The following GLB1 variants were observed in gnomAD, a reference collection of about 807,000 sequenced individuals.
GLB1 encodes the protein beta-galactosidase.
In GLB1, 56 loss-of-function variants were observed where a neutral mutation model predicts 74.0. The ratio of observed to expected loss-of-function variants is 0.76; its 90% CI spans 0.61 to 0.94. GLB1 has a LOEUF of 0.94. GLB1 is among the 40% of genes least tolerant of loss of function. The pLI is 0.00. For synonymous variants in GLB1, 323 were observed against 323.6 expected (o/e 1.00, Z 0.02); for missense variants, 787 against 845.5 (o/e 0.93, Z 0.86).
chr3:33,097,103 C>T lies in GLB1; in HGVS notation c.-18G>A. 2 of 1,611,590 alleles carry T rather than the reference C, an allele frequency of 1.2e-6. No homozygotes were observed. The highest frequency in any genetic ancestry group is 2.7e-5 in the African/African-American group (2 of 74,854). On this transcript the variant is annotated 5_prime_UTR_variant, in exon 1 of 16. Coordinates refer to ENST00000307363, the MANE Select transcript of GLB1 (RefSeq NM_000404.4). The stretch of plus-strand genomic sequence containing the variant: ...CCCGGCATGACCACCAGCCTCCCGG[C>T]TCTGCAGTCGGCGCCCAGGCCGGCC...
intron 1 of GLB1, among the ~76,000 whole-genome samples, chr3:33,073,420 G>A (rs1699960679): frequency 6.6e-6 from 1 of 152,176 alleles, no homozygotes; most frequent in Admixed American, 6.5e-5. Flanking sequence ...AGGCATGATG[G>A]CTCACACCTG....
intron 12 of GLB1, among the ~76,000 whole-genome samples, chr3:33,020,781 T>C (rs931668775): frequency 2.6e-5 from 4 of 152,216 alleles, no homozygotes; most frequent in African/African-American, 9.6e-5. Context: ...TTCTCATGTG[T>C]GATCATTGTA....
chr3:32,972,829 AAG>A, the GLB1 span, among the ~76,000 whole-genome samples: 7 of 152,172 alleles, frequency 4.6e-5, no homozygotes, highest in Non-Finnish European at 8.8e-5. Context: ...CCCCCTAAGA[AAG>A]AGAAAGAGCT....
chr3:33,074,343 AG>A (rs1700008177), intron 1 of GLB1, among the ~76,000 whole-genome samples: 1 of 58,682 alleles, frequency 1.7e-5, no homozygotes, highest in Non-Finnish European at 3.8e-5. Flanking sequence ...GAAGGAAGGA[AG>A]GAAGGAAGGA....
At chr3:33,064,440 C>CT (rs1438216815) in intron 5 of GLB1, among the ~76,000 whole-genome samples, 4 of 11,288 alleles carry the variant, frequency 3.5e-4, no homozygotes, top group Non-Finnish European at 4.4e-4. Context: ...ACTCTGTCTC[C>CT]TAAAAAAAAA....
intron 4 of GLB1, among the ~76,000 whole-genome samples, chr3:33,066,514 C>T (rs191779280): frequency 6.6e-6 from 1 of 152,228 alleles, no homozygotes; most frequent in Non-Finnish European, 1.5e-5. Flanking sequence ...AACTTCTTGG[C>T]CTCCATAACT....
At chr3:32,967,425 G>A in the GLB1 span, among the ~76,000 whole-genome samples, 17 of 152,292 alleles carry the variant, frequency 1.1e-4, no homozygotes, top group Non-Finnish European at 2.4e-4. Flanking sequence ...AAATTAGTCA[G>A]GCATGGTGGT....
chr3:33,053,707 T>C lies in GLB1; in HGVS notation c.734-158A>G, dbSNP rs182602799. On this transcript the variant is annotated intron_variant, in intron 6 of 15. Transcript: ENST00000307363. ...TGTTGGAACTTAACACCCAAGATGATAGTATTAACAGGTGAGGCCACTGGA... is the reference window on the plus strand; with the variant it reads ...TGTTGGAACTTAACACCCAAGATGACAGTATTAACAGGTGAGGCCACTGGA... Among the ~76,000 whole-genome samples the C allele has an allele frequency of 3.9e-5, 6 of 152,312 alleles. No homozygotes were observed. The East Asian group carries it at 1.2e-3, about 29-fold the overall frequency.
At chr3:32,967,365 G>A in the GLB1 span, among the ~76,000 whole-genome samples, 2 of 152,138 alleles carry the variant, frequency 1.3e-5, no homozygotes, top group Admixed American at 1.3e-4. Flanking sequence ...TCAGGAGTTA[G>A]AGACCAGCCT....
chr3:32,989,521 G>T, the GLB1 span, among the ~76,000 whole-genome samples: 5 of 152,142 alleles, frequency 3.3e-5, no homozygotes, highest in East Asian at 1.9e-4. Context: ...AGGATTGCTT[G>T]CTCCCTGACC....
Position 32,996,892 on chromosome 3 carries a change from G to C in GLB1, c.*153C>G. On this transcript the variant is annotated 3_prime_UTR_variant, in exon 16 of 16. Transcript: ENST00000307363. The stretch of plus-strand genomic sequence containing the variant: ...AGGTGGTCCCTGAAGGTGGGGCTTT[G>C]GCACTGCAGGGATGCAGGGAAACCT... 2 of 1,409,296 alleles carry C rather than the reference G, an allele frequency of 1.4e-6. No individual in the cohort carries two copies. The highest frequency in any genetic ancestry group is 2.5e-4 in the Middle Eastern group (1 of 4,006). 87.3% of individuals were successfully genotyped at this position (1,409,296 alleles called of 1,614,324 possible).
chr3:33,021,095 G>GA lies in GLB1; in HGVS notation c.1233+470dup, dbSNP rs10596366. 1.5e-3 allele frequency among the ~76,000 whole-genome samples: 182 copies of GA among 125,226 alleles called. 2 individuals are homozygous for GA. The highest frequency in any genetic ancestry group is 4.4e-3 in the East Asian group (18 of 4,098). 82.2% of individuals were successfully genotyped at this position (125,226 alleles called of 152,430 possible). A position where few individuals can be genotyped will look rare whatever the true frequency, so the allele number is the denominator to read the frequency against. ...AAACACATACACATATACAAACACTGAAAAAAAAAAAAAAAAAGATGTGCT... is the reference window on the plus strand; with the variant it reads ...AAACACATACACATATACAAACACTGAAAAAAAAAAAAAAAAAAGATGTGCT... On this transcript the variant is annotated intron_variant, in intron 12 of 15. Transcript: ENST00000307363.
At chr3:33,090,423 T>C in intron 1 of GLB1, 2 of 985,312 alleles carry the variant, frequency 2.0e-6, no homozygotes, top group Non-Finnish European at 2.4e-6. Flanking sequence ...GGATGGGTAT[T>C]TGGAAGGAAT....
At chr3:33,034,603 TC>T in intron 10 of GLB1, 1 of 718,590 alleles carries the variant, frequency 1.4e-6, no homozygotes, top group Admixed American at 1.9e-5. Context: ...ATATATGGTC[TC>T]CCAAATTGCT....
the GLB1 span, among the ~76,000 whole-genome samples, chr3:32,986,408 C>G: frequency 2.3e-3 from 346 of 152,300 alleles, no homozygotes; most frequent in Non-Finnish European, 4.2e-3. Flanking sequence ...TTGACTAACA[C>G]AGAAATATTG....
At chr3:33,071,259 T>C in intron 2 of GLB1, among the ~76,000 whole-genome samples, 1 of 151,930 alleles carries the variant, frequency 6.6e-6, no homozygotes, top group East Asian at 1.9e-4. Flanking sequence ...GAACTTGGGT[T>C]CACTCTGCCA....
At chr3:33,028,653 C>T (rs1697874065) in intron 10 of GLB1, among the ~76,000 whole-genome samples, 1 of 151,072 alleles carries the variant, frequency 6.6e-6, no homozygotes, top group Non-Finnish European at 1.5e-5. Context: ...TTGCTTATGT[C>T]ATTTACCCAA....
In GLB1 at chr3:33,016,819, G is replaced by A. The variant is rs72555359; in HGVS notation, c.1369C>T (p.Arg457Ter). ...VDGIPQGVLE[R>*]NNVITLNITG... ...ATGTTCAGAGTGATCACATTGTTTC[G>A]CTCAAGGACTCCCTGGGGGATCTGT... Residue 457 changes from arginine to a stop codon, truncating the protein, a stop_gained, in exon 14 of 16, where the codon CGA becomes TGA. Transcript: ENST00000307363. LOFTEE classifies it high-confidence loss of function. 8.1e-6 allele frequency: 13 copies of A among 1,613,910 alleles called. No individual in the cohort carries two copies. Among genetic ancestry groups the A allele is most frequent in the East Asian group, 2.2e-5 (1 of 44,898 alleles).
At chr3:32,961,862 A>G in the GLB1 span, among the ~76,000 whole-genome samples, 3 of 152,174 alleles carry the variant, frequency 2.0e-5, no homozygotes, top group Non-Finnish European at 4.4e-5. Context: ...TCTATATAAC[A>G]TTGCCCTGGA....
Sources: allele counts gnomAD v4.1 joint callset (sites outside exome capture counted in the v4.1 genomes callset), GRCh38; gene constraint gnomAD v4.1.1; transcripts MANE v1.5; gene names NCBI Gene and HGNC (gene_info 2026-07-23, HGNC 2026-07-21).